PXDNL: variants seen among roughly 807,000 people sequenced by gnomAD.
The protein encoded by PXDNL is probable oxidoreductase PXDNL.
PXDNL carries 145 observed loss-of-function variants against 150.8 expected under a neutral mutation model. The observed-to-expected ratio is 0.96, with a 90% CI of 0.84 to 1.10. The LOEUF (loss-of-function observed/expected upper bound fraction) is 1.10. PXDNL is among the 50% of genes least tolerant of loss of function. PXDNL has a pLI of 0.00. For synonymous variants in PXDNL, 757 were observed against 725.7 expected (o/e 1.04, Z -0.69); for missense variants, 2,087 against 1,873.9 (o/e 1.11, Z -2.10).
chr8:51,551,078 C>CAAA (rs948385573), intron 4 of PXDNL, among the ~76,000 whole-genome samples: 5 of 151,440 alleles, frequency 3.3e-5, no homozygotes, highest in African/African-American at 1.2e-4. Flanking sequence ...TGAAAAACAA[C>CAAA]AAACAAACAA....
At chr8:51,533,826 G>A (rs889723622) in intron 4 of PXDNL, among the ~76,000 whole-genome samples, 6 of 150,468 alleles carry the variant, frequency 4.0e-5, no homozygotes, top group Admixed American at 1.3e-4. Flanking sequence ...GCGTGATCTC[G>A]GCTCGCTACA....
At chr8:51,653,014 A>G (rs140238512) in intron 2 of PXDNL, among the ~76,000 whole-genome samples, 27 of 152,182 alleles carry the variant, frequency 1.8e-4, no homozygotes, top group African/African-American at 6.5e-4. Flanking sequence ...ATATTTTATA[A>G]CATTTTATCA....
intron 5 of PXDNL, among the ~76,000 whole-genome samples, chr8:51,488,511 A>G (rs1810818434): frequency 6.6e-6 from 1 of 152,228 alleles, no homozygotes; most frequent in Non-Finnish European, 1.5e-5. Context: ...CAGACATAGA[A>G]ATAGAGATTT....
intron 3 of PXDNL, among the ~76,000 whole-genome samples, chr8:51,590,046 C>T (rs150957925): frequency 6.6e-6 from 1 of 152,078 alleles, no homozygotes; most frequent in African/African-American, 2.4e-5. Flanking sequence ...AGGGAATGGG[C>T]TCAAGATACC....
intron 2 of PXDNL, among the ~76,000 whole-genome samples, chr8:51,622,279 A>T (rs1814275233): frequency 6.6e-6 from 1 of 152,142 alleles, no homozygotes. Flanking sequence ...GTGTTTCCCC[A>T]GAGCCTCTGG....
At chr8:51,761,612 A>G (rs1301008260) in intron 1 of PXDNL, among the ~76,000 whole-genome samples, 1 of 152,214 alleles carries the variant, frequency 6.6e-6, no homozygotes, top group Non-Finnish European at 1.5e-5. Flanking sequence ...AGATTTGCTC[A>G]TGTCAGAGTT....
At position 51,803,907 on chromosome 8, in the gene PXDNL, C is replaced by T. The variant is rs140238134; in HGVS notation, c.164+5274G>A. ...CCTCCTGAGCTTATATATTTCTGAG[C>T]CCCTACCCCTTCTACCAGAATGCCC... On this transcript the variant is annotated intron_variant, in intron 1 of 22. Coordinates refer to ENST00000356297, the MANE Select transcript of PXDNL (RefSeq NM_144651.5). Among the ~76,000 whole-genome samples the T allele has an allele frequency of 2.8e-3, 421 of 152,312 alleles. 2 individuals carry two copies. Among genetic ancestry groups the T allele is most frequent in the Admixed American group, 0.02 (308 of 15,296 alleles).
At chr8:51,597,650 T>C (rs112126906) in intron 2 of PXDNL, among the ~76,000 whole-genome samples, 3,699 of 150,044 alleles carry the variant, frequency 0.025, 161 homozygotes, top group African/African-American at 0.086. Context: ...TCTCTAAGTA[T>C]TTGTGTGTGT....
intron 5 of PXDNL, among the ~76,000 whole-genome samples, chr8:51,499,208 C>A (rs1327871565): frequency 2.0e-5 from 3 of 152,232 alleles, no homozygotes; most frequent in Non-Finnish European, 4.4e-5. Context: ...CGGCTCACTG[C>A]AACCTACGCC....
intron 2 of PXDNL, among the ~76,000 whole-genome samples, chr8:51,598,465 T>C (rs897871928): frequency 1.3e-5 from 2 of 152,166 alleles, no homozygotes; most frequent in African/African-American, 4.8e-5. Context: ...CATCAAAAGC[T>C]CTTTCTGCAT....
In PXDNL at chr8:51,506,336, A is replaced by T. The variant is rs183197663; in HGVS notation, c.381-6566T>A. ...GGCGGGCGGATCACGAGATCAGGAGATTGAGACCATCCTGGCCAACATGGT... is the reference window on the plus strand; with the variant it reads ...GGCGGGCGGATCACGAGATCAGGAGTTTGAGACCATCCTGGCCAACATGGT... On this transcript the variant is annotated intron_variant, in intron 4 of 22. Transcript: ENST00000356297. 5.3e-5 allele frequency among the ~76,000 whole-genome samples: 8 copies of T among 152,174 alleles called. No homozygotes were observed. The East Asian group carries it at 1.2e-3, about 22-fold the overall frequency.
intron 19 of PXDNL, among the ~76,000 whole-genome samples, chr8:51,347,494 G>A (rs1042634443): frequency 2.6e-5 from 4 of 152,168 alleles, no homozygotes; most frequent in African/African-American, 9.7e-5. Flanking sequence ...ACTGGTTATG[G>A]TTGTTACTTG....
At chr8:51,640,901 A>G (rs1208269782) in intron 2 of PXDNL, among the ~76,000 whole-genome samples, 1 of 152,066 alleles carries the variant, frequency 6.6e-6, no homozygotes, top group Non-Finnish European at 1.5e-5. Flanking sequence ...CGCCAAGTCA[A>G]TCCTAAGCCA....
chr8:51,686,286 C>T (rs77761696), intron 1 of PXDNL, among the ~76,000 whole-genome samples: 2,293 of 152,296 alleles, frequency 0.015, 47 homozygotes, highest in African/African-American at 0.053. Flanking sequence ...GTCCATGTCC[C>T]TGGAGATAAT....
chr8:51,731,319 A>G (rs900945662), intron 1 of PXDNL, among the ~76,000 whole-genome samples: 16 of 152,230 alleles, frequency 1.1e-4, no homozygotes, highest in African/African-American at 3.9e-4. Context: ...GGTGTAGTCA[A>G]ATCTTAAAGC....
intron 4 of PXDNL, among the ~76,000 whole-genome samples, chr8:51,528,597 AG>A (rs1177605705): frequency 1.3e-5 from 2 of 152,208 alleles, no homozygotes; most frequent in African/African-American, 4.8e-5. Context: ...CTTTGAAATG[AG>A]AGATTATCTT....
intron 2 of PXDNL, among the ~76,000 whole-genome samples, chr8:51,607,338 A>T (rs1203635816): frequency 6.6e-6 from 1 of 152,122 alleles, no homozygotes; most frequent in Non-Finnish European, 1.5e-5. Context: ...AATTACTATG[A>T]TCTCATTTCT....
At chr8:51,737,756 AC>A (rs11302135) in intron 1 of PXDNL, among the ~76,000 whole-genome samples, 145,258 of 151,074 alleles carry the variant, frequency 0.96, 70,086 homozygotes, top group East Asian at 1. Flanking sequence ...TCACTGTCAG[AC>A]CCCCCCCACC....
intron 12 of PXDNL, among the ~76,000 whole-genome samples, chr8:51,428,179 TAAACTAA>T (rs1420781838): frequency 6.6e-6 from 1 of 152,144 alleles, no homozygotes; most frequent in African/African-American, 2.4e-5. Flanking sequence ...ACAGTACTTA[TAAACTAA>T]AAACTACAAA....
Sources: allele counts gnomAD v4.1 joint callset (sites outside exome capture counted in the v4.1 genomes callset), GRCh38; gene constraint gnomAD v4.1.1; transcripts MANE v1.5; gene names NCBI Gene and HGNC (gene_info 2026-07-23, HGNC 2026-07-21).